The following TFAP2B variants were observed in gnomAD, a reference collection of about 807,000 sequenced individuals.
TFAP2B encodes the protein transcription factor AP-2 beta.
In TFAP2B, 9 loss-of-function variants were observed where a neutral mutation model predicts 44.3. That is an observed-to-expected ratio of 0.20 (90% CI 0.12 to 0.35). The LOEUF is 0.35. TFAP2B is among the 10% of genes least tolerant of loss of function. TFAP2B has a pLI of 1.00. For synonymous variants in TFAP2B, 270 were observed against 263.8 expected (o/e 1.02, Z -0.23); for missense variants, 509 against 600.0 (o/e 0.85, Z 1.59).
intron 1 of TFAP2B, chr6:50,822,256 T>C: frequency 9.8e-7 from 1 of 1,022,480 alleles, no homozygotes; most frequent in Non-Finnish European, 1.4e-6. Flanking sequence ...TCTCACACTC[T>C]CTGTCTCTCT....
chr6:50,843,516 C>G lies in TFAP2B; in HGVS notation c.*124C>G. 1.0e-6 allele frequency: 1 copy of G among 955,562 alleles called. No individual in the cohort carries two copies. The allele number at this position is 955,562 out of a possible 1,614,324, so 59.2% of individuals were successfully genotyped here. On this transcript the variant is annotated 3_prime_UTR_variant, in exon 7 of 7. Coordinates refer to ENST00000393655, the MANE Select transcript of TFAP2B (RefSeq NM_003221.4). ...AATTATATTAGGTAGAATACACATA[C>G]AATCAAAATTTTAAAAAAAAAAGCT...
At chr6:50,820,305 G>A (rs1581804711) in intron 1 of TFAP2B, among the ~76,000 whole-genome samples, 2 of 152,320 alleles carry the variant, frequency 1.3e-5, no homozygotes, top group South Asian at 4.1e-4. Flanking sequence ...CTAAGAGTGG[G>A]CGACTCACAG....
At position 50,832,793 on chromosome 6, in the gene TFAP2B, A is replaced by G. The variant is rs191875703; in HGVS notation, c.602-3268A>G. ...AAGAGTAGAGATTAAAAACTAGCCT[A>G]TTAACACTTTAGCTCTTCTATAGTC... On this transcript the variant is annotated intron_variant, in intron 3 of 6. Transcript: ENST00000393655. 3.0e-3 allele frequency among the ~76,000 whole-genome samples: 463 copies of G among 152,368 alleles called. 13 individuals carry two copies. The highest frequency in any genetic ancestry group is 0.028 in the Admixed American group (425 of 15,310).
At position 50,823,437 on chromosome 6, in the gene TFAP2B, T is replaced by C. The variant is rs1770411126; in HGVS notation, c.112T>C (p.Ser38Pro). ...DRHDGVPSHSSRLSQLGSVSQ... is the reference protein window; with the variant it reads ...DRHDGVPSHSPRLSQLGSVSQ... ...GCACGATGGTGTCCCGAGCCACAGC[T>C]CGCGGCTCTCCCAGCTGGGCTCGGT... is the stretch of plus-strand genomic sequence containing the variant. Residue 38 changes from serine (S) to proline (P), a missense_variant, in exon 2 of 7, where the codon TCG becomes CCG. By Grantham distance (74) the Ser-to-Pro change is moderately conservative. Around this residue, in one of 3 missense-constraint regions of TFAP2B, gnomAD observed 296 missense variants for 308.2 expected, o/e 0.96. Coordinates refer to ENST00000393655, the MANE Select transcript of TFAP2B (RefSeq NM_003221.4). The C allele has an allele frequency of 1.1e-5, 17 of 1,605,066 alleles. No homozygotes were observed. The highest frequency in any genetic ancestry group is 1.4e-5 in the Non-Finnish European group (17 of 1,176,202).
rs960662141 is a variant in TFAP2B at position 50,847,291 on chromosome 6, T to C, written c.*3899T>C. On this transcript the variant is annotated 3_prime_UTR_variant, in exon 7 of 7. Transcript: ENST00000393655. Reference sequence around the variant, plus strand: ...GTTGGTCTCTAATTCTCTAACATTGTTTTTGCCACACAATCAAGAAATATC... The same window carrying C: ...GTTGGTCTCTAATTCTCTAACATTGCTTTTGCCACACAATCAAGAAATATC... The C allele has an allele frequency of 2.6e-5, 4 of 152,632 alleles. No individual in the cohort carries two copies. Among genetic ancestry groups the C allele is most frequent in the African/African-American group, 9.6e-5 (4 of 41,452 alleles). 9.5% of individuals were successfully genotyped at this position (152,632 alleles called of 1,614,324 possible). A position where few individuals can be genotyped will look rare whatever the true frequency, so the allele number is the denominator to read the frequency against.
intron 3 of TFAP2B, among the ~76,000 whole-genome samples, chr6:50,832,771 A>G (rs1412486162): frequency 6.6e-6 from 1 of 152,246 alleles, no homozygotes; most frequent in Non-Finnish European, 1.5e-5. Flanking sequence ...AAGTTTAAAG[A>G]GTAGAGATTA....
At chr6:50,828,238 T>A (rs2113937315) in intron 2 of TFAP2B, among the ~76,000 whole-genome samples, 1 of 152,336 alleles carries the variant, frequency 6.6e-6, no homozygotes, top group Middle Eastern at 3.4e-3. Flanking sequence ...TAAGATGCAC[T>A]GGGATAGAAT....
chr6:50,818,817 C>T, upstream of TFAP2B: 1 of 1,375,492 alleles, frequency 7.3e-7, no homozygotes, highest in Admixed American at 1.7e-5. Context: ...TGGTGTGTAT[C>T]CCCCATTTCC....
chr6:50,827,484 T>A lies in TFAP2B; in HGVS notation c.541-1135T>A, dbSNP rs569638487. ...CGATTAGATCATCTCATTTCTAAAG[T>A]TTTGCTTGTTTGGGGTAGACAGTCT... On this transcript the variant is annotated intron_variant, in intron 2 of 6. Coordinates refer to ENST00000393655, the MANE Select transcript of TFAP2B (RefSeq NM_003221.4). Among the ~76,000 whole-genome samples the A allele has an allele frequency of 9.7e-4, 147 of 152,148 alleles. No homozygotes were observed. The Middle Eastern group carries it at 0.031, about 32-fold the overall frequency.
At chr6:50,821,434 C>T (rs1427116322) in intron 1 of TFAP2B, among the ~76,000 whole-genome samples, 1 of 152,162 alleles carries the variant, frequency 6.6e-6, no homozygotes, top group Non-Finnish European at 1.5e-5. Context: ...ACACAAAGCA[C>T]CCAAGGCGAC....
At chr6:50,841,856 T>C (rs1762740044) in intron 6 of TFAP2B, among the ~76,000 whole-genome samples, 1 of 152,218 alleles carries the variant, frequency 6.6e-6, no homozygotes, top group South Asian at 2.1e-4. Flanking sequence ...CGAGGGTGCC[T>C]GTTAGTGTTC....
chr6:50,833,703 A>G (rs1762561301), intron 3 of TFAP2B, among the ~76,000 whole-genome samples: 1 of 152,146 alleles, frequency 6.6e-6, no homozygotes, highest in African/African-American at 2.4e-5. Flanking sequence ...TCAGGCAATT[A>G]ACAATAGTGA....
At chr6:50,823,102 C>T (rs2817384) in intron 1 of TFAP2B, among the ~76,000 whole-genome samples, 2 of 152,128 alleles carry the variant, frequency 1.3e-5, no homozygotes, top group Admixed American at 1.3e-4. Context: ...CTGCCTTTTG[C>T]CTGCTTTGCA....
chr6:50,842,598 G>A (rs1195028526), intron 6 of TFAP2B, among the ~76,000 whole-genome samples: 1 of 152,188 alleles, frequency 6.6e-6, no homozygotes, highest in Non-Finnish European at 1.5e-5. Context: ...TTCTTGCCCT[G>A]GGCCATGGAA....
intron 3 of TFAP2B, chr6:50,830,266 A>G (rs1314778848): frequency 4.1e-6 from 4 of 983,450 alleles, no homozygotes; most frequent in African/African-American, 1.7e-5. Context: ...AACATGCCCA[A>G]CAGATGACCA....
rs1762791154 is a variant in TFAP2B at position 50,844,057 on chromosome 6, G to A, written c.*665G>A. 6.6e-6 allele frequency: 1 copy of A among 152,362 alleles called. No homozygotes were observed. Among genetic ancestry groups the A allele is most frequent in the Non-Finnish European group, 1.5e-5 (1 of 68,220 alleles). The allele number at this position is 152,362 out of a possible 1,614,324, so 9.4% of individuals were successfully genotyped here. The stretch of plus-strand genomic sequence containing the variant: ...GGCTCCCCGGCCGCTTGCATAATTA[G>A]GGAGGGCGAGGGCGGGGCGGGAGGC... On this transcript the variant is annotated 3_prime_UTR_variant, in exon 7 of 7. Coordinates refer to ENST00000393655, the MANE Select transcript of TFAP2B (RefSeq NM_003221.4).
chr6:50,844,653 G>GA lies in TFAP2B; in HGVS notation c.*1263dup, dbSNP rs1445476184. 6.6e-6 allele frequency: 1 copy of GA among 152,626 alleles called. No homozygotes were observed. Among genetic ancestry groups the GA allele is most frequent in the Non-Finnish European group, 1.5e-5 (1 of 68,038 alleles). 9.5% of individuals were successfully genotyped at this position (152,626 alleles called of 1,614,324 possible). A position where few individuals can be genotyped will look rare whatever the true frequency, so the allele number is the denominator to read the frequency against. ...TGGCAGGGGAGGGGGTCTGCAAAAT[G>GA]AATTTTAAGGGAAAAGAGTAAGGAT... On this transcript the variant is annotated 3_prime_UTR_variant, in exon 7 of 7. Coordinates refer to ENST00000393655, the MANE Select transcript of TFAP2B (RefSeq NM_003221.4).
At chr6:50,820,410 T>C (rs970438166) in intron 1 of TFAP2B, among the ~76,000 whole-genome samples, 4 of 151,678 alleles carry the variant, frequency 2.6e-5, no homozygotes, top group Non-Finnish European at 5.9e-5. Context: ...CGAATCCTAA[T>C]GTTGGGGTGT....
chr6:50,835,474 A>G (rs959642991), intron 3 of TFAP2B, among the ~76,000 whole-genome samples: 9 of 152,190 alleles, frequency 5.9e-5, no homozygotes, highest in South Asian at 2.1e-4. Context: ...CCCCAGCTCA[A>G]TGGTATTATT....
Sources: allele counts gnomAD v4.1 joint callset (sites outside exome capture counted in the v4.1 genomes callset), GRCh38; gene constraint gnomAD v4.1.1; regional missense constraint gnomAD v4.1.1; transcripts MANE v1.5; gene names NCBI Gene and HGNC (gene_info 2026-07-23, HGNC 2026-07-21).